The following OPLAH variants were observed in gnomAD, a reference collection of about 807,000 sequenced individuals.
OPLAH encodes the protein 5-oxoprolinase.
Under a neutral mutation model 122.8 loss-of-function variants are expected in OPLAH, and 103 were observed. The ratio of observed to expected loss-of-function variants is 0.84; its 90% confidence interval spans 0.71 to 0.99. OPLAH has a LOEUF of 0.99. OPLAH is among the 50% of genes least tolerant of loss of function. The pLI is 0.00. For missense variants in OPLAH, 1,902 were observed against 1,836.5 expected, an observed-to-expected ratio of 1.04 and a Z score of -0.65; for synonymous variants, 875 against 796.0, an observed-to-expected ratio of 1.10 and a Z score of -1.67.
In OPLAH at chr8:144,058,577, C is replaced by T. The variant is rs782320409; in HGVS notation, c.702G>A (p.Thr234=). The T allele has an allele frequency of 9.2e-5, 148 of 1,602,104 alleles. No individual in the cohort carries two copies. Among genetic ancestry groups the T allele is most frequent in the Middle Eastern group, 1.6e-4 (1 of 6,078 alleles). The change falls in exon 6 of 27, where the codon ACG becomes ACA. Residue 234 remains threonine (T), a synonymous_variant. Transcript: ENST00000618853. ...GCGTGAGGTAGGCGTCGGCACAGGC[C>T]GTGTGCCCCCGAGGGACGATGCGCA... ...PMVRIVPRGH[T]ACADAYLTPA... is the part of the protein sequence containing the mutation.
Position 144,059,915 on chromosome 8 carries a change from G to C in OPLAH, c.118C>G (p.Pro40Ala). 2 of 1,612,840 alleles carry C rather than the reference G, an allele frequency of 1.2e-6. No homozygotes were observed. The highest frequency in any genetic ancestry group is 1.7e-6 in the Non-Finnish European group (2 of 1,179,856). Residue 40 changes from proline (P) to alanine (A), a missense_variant, in exon 2 of 27, where the codon CCT (proline) becomes GCT (alanine). This residue lies in a region of OPLAH where 168 missense variants were observed against 170.6 expected (regional missense o/e 0.98). Transcript: ENST00000618853. ...VRVLKLLSED[P>A]ANYADAPTEG... ...GTTGGCGCGTCCGCATAGTTGGCAG[G>C]GTCCTCTGAGAGCAGTTTTAAGACC...
upstream of OPLAH, among the ~76,000 whole-genome samples, chr8:144,063,445 C>T (rs1235869033): frequency 1.3e-5 from 2 of 152,230 alleles, no homozygotes; most frequent in Non-Finnish European, 2.9e-5. The surrounding 1 kb of genome is among the most constrained non-coding windows in gnomAD (Gnocchi z 4.2). Flanking sequence ...ACTCTGACAG[C>T]TTCAGGCACA....
chr8:144,051,134 C>G, downstream of OPLAH: 1 of 1,406,028 alleles, frequency 7.1e-7, no homozygotes, highest in South Asian at 1.5e-5. Flanking sequence ...AGGTGACGTT[C>G]AGTACCGCCC....
In OPLAH at chr8:144,051,825, C is replaced by T. The variant is rs782642250; in HGVS notation, c.3624G>A (p.Gly1208=). 1 of 1,586,076 alleles carries T rather than the reference C, an allele frequency of 6.3e-7. No individual in the cohort carries two copies. The highest frequency in any genetic ancestry group is 1.1e-5 in the South Asian group (1 of 87,862). The change falls in exon 26 of 27, where the codon GGG becomes GGA. Residue 1208 remains glycine (G), a splice_region_variant and synonymous_variant. Transcript: ENST00000618853. ...RRAFRPYGLH[G]GEPGARGLNL... Reference sequence around the variant, plus strand: ...TTAGGCCGCGGGCGCCAGGCTCGCCCCCTGCGGAGGGAGGCGAGGAGTCCA... The same window carrying T: ...TTAGGCCGCGGGCGCCAGGCTCGCCTCCTGCGGAGGGAGGCGAGGAGTCCA...
chr8:144,063,360 C>T (rs937402540), upstream of OPLAH, among the ~76,000 whole-genome samples: 19 of 152,356 alleles, frequency 1.2e-4, no homozygotes, highest in African/African-American at 3.6e-4. The surrounding 1 kb of genome is among the most constrained non-coding windows in gnomAD (Gnocchi z 4.2). Flanking sequence ...GCTTCCATCA[C>T]GTTCCCCCAG....
At chr8:144,062,343 G>A (rs112378245), upstream of OPLAH, among the ~76,000 whole-genome samples, 898 of 152,150 alleles carry the variant, frequency 5.9e-3, 7 homozygotes, top group South Asian at 0.03. Flanking sequence ...CGTGCCTGCT[G>A]TGATGCCACC....
intron 26 of OPLAH, 94 bp downstream of exon 26, chr8:144,051,635 G>C: frequency 8.1e-7 from 1 of 1,229,600 alleles, no homozygotes; most frequent in Non-Finnish European, 1.1e-6. Flanking sequence ...AATTAAACTC[G>C]GCCTCTGGTC....
intron 22 of OPLAH, 48 bp from the exon 23 acceptor site, chr8:144,052,646 A>G (rs1360764649): frequency 6.4e-7 from 1 of 1,551,236 alleles, no homozygotes; most frequent in Non-Finnish European, 8.7e-7. Context: ...GGGCTCCGGG[A>G]GAAACAGCAC....
chr8:144,057,027 T>C lies in OPLAH; in HGVS notation c.1627A>G (p.Thr543Ala). 1 of 1,598,648 alleles carries C rather than the reference T, an allele frequency of 6.3e-7. No homozygotes were observed. ...EPCSLLYAPE[T>A]FVQLDQRLSR... ...AGCCTCTGGTCCAGCTGCACGAAGG[T>C]CTCAGGCGCGTAGAGCAGGGAGCAG... Residue 543 changes from threonine (T) to alanine (A), a missense_variant, in exon 12 of 27, where the codon ACC becomes GCC. Thr to Ala is a moderately conservative substitution (Grantham distance 58, BLOSUM62 0). This residue lies in a region of OPLAH where 1,726 missense variants were observed against 1,642.1 expected (regional missense o/e 1.05). Transcript: ENST00000618853.
chr8:144,053,267 C>T lies in OPLAH; in HGVS notation c.2813G>A (p.Gly938Glu), dbSNP rs1218950387. 9.9e-6 allele frequency: 16 copies of T among 1,612,920 alleles called. No homozygotes were observed. The African/African-American group carries it at 1.5e-4, about 15-fold the overall frequency. Residue 938 changes from glycine (G) to glutamate (E), a missense_variant, in exon 20 of 27, where the codon GGG becomes GAG. Gly to Glu is a moderately conservative substitution (Grantham distance 98, BLOSUM62 -2). Transcript: ENST00000618853. The part of the protein sequence containing the change: ...AANQKGIQLV[G>E]ELIGQYGLDV... Reference sequence around the variant, plus strand: ...CAGGCCGTACTGCCCAATGAGCTCCCCCACCAGCTGGATGCCCTTCTGGTT... The same window carrying T: ...CAGGCCGTACTGCCCAATGAGCTCCTCCACCAGCTGGATGCCCTTCTGGTT...
chr8:144,061,118 G>A (rs1387846703), upstream of OPLAH, among the ~76,000 whole-genome samples: 7 of 152,356 alleles, frequency 4.6e-5, no homozygotes, highest in Admixed American at 1.3e-4. Context: ...GGTATCTCTG[G>A]CCTTCTTCAC....
At chr8:144,061,337 T>C (rs782113729), upstream of OPLAH, among the ~76,000 whole-genome samples, 1 of 152,048 alleles carries the variant, frequency 6.6e-6, no homozygotes, top group Non-Finnish European at 1.5e-5. Context: ...GCCAACACGG[T>C]TGAAACCCCC....
chr8:144,063,329 T>G (rs1462744256), upstream of OPLAH, among the ~76,000 whole-genome samples: 1 of 152,136 alleles, frequency 6.6e-6, no homozygotes, highest in Non-Finnish European at 1.5e-5. The surrounding 1 kb of genome is among the most constrained non-coding windows in gnomAD (Gnocchi z 4.2). Context: ...CTGCTACTTC[T>G]CACACCTCCA....
chr8:144,050,929 G>GC (rs1475098181), downstream of OPLAH: 6 of 1,018,772 alleles, frequency 5.9e-6, no homozygotes, highest in African/African-American at 1.7e-5. Flanking sequence ...TGATGACACC[G>GC]CCCCCCTACC....
chr8:144,051,451 G>A lies in OPLAH; in HGVS notation c.3742C>T (p.Pro1248Ser), dbSNP rs1554757622. The change falls in exon 27 of 27, where the codon CCC becomes TCC. Residue 1248 changes from proline (P) to serine (S), a missense_variant. Transcript: ENST00000618853. ...YPGDVFCLHTPGGGGYGDPED... is the reference protein window; with the variant it reads ...YPGDVFCLHTSGGGGYGDPED... ...GGGTCCCCATAGCCACCGCCGCCGG[G>A]CGTGTGGAGACAGAACACATCCTGT... 1.1e-5 allele frequency: 17 copies of A among 1,549,614 alleles called. No individual in the cohort carries two copies. Among genetic ancestry groups the A allele is most frequent in the Non-Finnish European group, 1.5e-5 (17 of 1,155,406 alleles).
intron 23 of OPLAH, 50 bp from the exon 24 acceptor site, chr8:144,052,376 C>A (rs921610197): frequency 6.6e-7 from 1 of 1,511,646 alleles, no homozygotes; most frequent in African/African-American, 1.4e-5. Flanking sequence ...GGCGTCCCCA[C>A]CTCGCCCTCC....
At position 144,055,256 on chromosome 8, in the gene OPLAH, G is replaced by A. The variant is rs1835484562; in HGVS notation, c.2249-67C>T. ...CACAGCCTGGCCCCAGGAAAGGGAG[G>A]AACAGGACCCACCAGGACTCAAACC... On this transcript the variant is annotated intron_variant, in intron 16 of 26. Coordinates refer to ENST00000618853, the MANE Select transcript of OPLAH (RefSeq NM_017570.5). The surrounding 1 kb of genome is among the most constrained non-coding windows in gnomAD (Gnocchi z 6.5). 1.4e-6 allele frequency: 2 copies of A among 1,453,470 alleles called. No homozygotes were observed. Among genetic ancestry groups the A allele is most frequent in the Non-Finnish European group, 1.8e-6 (2 of 1,098,430 alleles). 90.0% of individuals were successfully genotyped at this position (1,453,470 alleles called of 1,614,324 possible). A position where few individuals can be genotyped will look rare whatever the true frequency, so the allele number is the denominator to read the frequency against.
chr8:144,058,221 A>C lies in OPLAH; in HGVS notation c.949+18T>G, dbSNP rs1835575503. On this transcript the variant is annotated intron_variant, in intron 7 of 26. Coordinates refer to ENST00000618853, the MANE Select transcript of OPLAH (RefSeq NM_017570.5). ...AGCAGCTGAGCCTCCCCGAGACCCC[A>C]GCCCTCGGCCCTCATACCTCCCATG... 1.9e-6 allele frequency: 3 copies of C among 1,604,614 alleles called. No homozygotes were observed. Among genetic ancestry groups the C allele is most frequent in the African/African-American group, 1.3e-5 (1 of 74,706 alleles).
intron 19 of OPLAH, among the ~76,000 whole-genome samples, chr8:144,053,938 C>T (rs1406399552): frequency 6.7e-6 from 1 of 150,234 alleles, no homozygotes; most frequent in African/African-American, 2.5e-5. Flanking sequence ...TCCCAAATCC[C>T]TCCAAATACC....
Sources: gnomAD v4.1 joint callset for allele counts (sites outside exome capture counted in the v4.1 genomes callset) on GRCh38, gnomAD v4.1.1 for gene constraint, gnomAD v4.1.1 regional missense constraint, Gnocchi (gnomAD v3.1) non-coding constraint, MANE v1.5 for transcripts, NCBI Gene and HGNC (gene_info 2026-07-23, HGNC 2026-07-21) for gene names.